The following FAM184B variants were observed in gnomAD, a reference collection of about 807,000 sequenced individuals.
FAM184B encodes protein FAM184B.
FAM184B carries 111 observed loss-of-function variants against 135.9 expected under a neutral mutation model. The ratio of observed to expected loss-of-function variants is 0.82; its 90% CI spans 0.70 to 0.96. The LOEUF is 0.96. Ranked by LOEUF, FAM184B falls within the 40% of genes least tolerant of loss-of-function variation. FAM184B has a pLI of 0.00. For missense variants in FAM184B, 1,375 were observed against 1,323.9 expected (o/e 1.04, Z -0.60); for synonymous variants, 552 against 524.8 (o/e 1.05, Z -0.71).
At chr4:17,642,795 T>C (rs1715361031) in intron 12 of FAM184B, among the ~76,000 whole-genome samples, 1 of 152,246 alleles carries the variant, frequency 6.6e-6, no homozygotes, top group Non-Finnish European at 1.5e-5. Context: ...GCCACGTGAA[T>C]GCTTGCTAAA....
chr4:17,732,721 G>A (rs923781132), intron 1 of FAM184B, among the ~76,000 whole-genome samples: 2 of 152,128 alleles, frequency 1.3e-5, no homozygotes, highest in African/African-American at 4.8e-5. Context: ...AAAAGTCCAG[G>A]ACCAGATGGA....
Position 17,633,781 on chromosome 4 carries a change from A to AG in FAM184B, c.2996dup (p.Pro1000SerfsTer36). 4 of 1,551,538 alleles carry AG rather than the reference A, an allele frequency of 2.6e-6. No homozygotes were observed. The highest frequency in any genetic ancestry group is 3.5e-6 in the Non-Finnish European group (4 of 1,146,956). On this transcript the variant is annotated frameshift_variant, in exon 17 of 18. Transcript: ENST00000265018. LOFTEE classifies it high-confidence loss of function. ...CCAAGCTGGGTGATGTAGTTATTGG[A>AG]GGGGCATTAATCCTGGAACTCAGAT...
chr4:17,667,528 C>T lies in FAM184B; in HGVS notation c.1597-2869G>A, dbSNP rs114404048. ...CATCATGGAGATGGCACTTGGGAATCCACTGCCCACTGTGCCCAGGAGGAC... is the reference window on the plus strand; with the variant it reads ...CATCATGGAGATGGCACTTGGGAATTCACTGCCCACTGTGCCCAGGAGGAC... On this transcript the variant is annotated intron_variant, in intron 7 of 17. Coordinates refer to ENST00000265018, the MANE Select transcript of FAM184B (RefSeq NM_015688.2). 3.2e-3 allele frequency among the ~76,000 whole-genome samples: 487 copies of T among 152,328 alleles called. 4 individuals are homozygous for T. The highest frequency in any genetic ancestry group is 0.011 in the African/African-American group (458 of 41,576).
intron 1 of FAM184B, among the ~76,000 whole-genome samples, chr4:17,731,071 G>A (rs575129132): frequency 2.3e-3 from 345 of 152,156 alleles, no homozygotes; most frequent in African/African-American, 8.1e-3. Context: ...ATATCCAGCC[G>A]AACTAAGCTT....
Position 17,632,434 on chromosome 4 carries a change from ATAT to A in FAM184B, c.*95_*97del. Reference sequence around the variant, plus strand: ...TAGCTATCATATATAAATCATAAGCATATTATTTGGTTGGTTGGTGTTAGTTCA... The same window carrying A: ...TAGCTATCATATATAAATCATAAGCATATTTGGTTGGTTGGTGTTAGTTCA... On this transcript the variant is annotated 3_prime_UTR_variant, in exon 18 of 18. Coordinates refer to ENST00000265018, the MANE Select transcript of FAM184B (RefSeq NM_015688.2). 1.0e-6 allele frequency: 1 copy of A among 997,426 alleles called. No homozygotes were observed. The highest frequency in any genetic ancestry group is 1.5e-6 in the Non-Finnish European group (1 of 674,566). 61.8% of individuals were successfully genotyped at this position (997,426 alleles called of 1,614,324 possible). A position where few individuals can be genotyped will look rare whatever the true frequency, so the allele number is the denominator to read the frequency against.
chr4:17,646,748 G>A (rs1020871368), intron 12 of FAM184B, among the ~76,000 whole-genome samples: 1 of 152,108 alleles, frequency 6.6e-6, no homozygotes, highest in Non-Finnish European at 1.5e-5. Flanking sequence ...AAAAAGAAAA[G>A]AAAGTGATGC....
chr4:17,760,274 G>C (rs924603091), intron 1 of FAM184B, among the ~76,000 whole-genome samples: 10 of 152,056 alleles, frequency 6.6e-5, no homozygotes, highest in African/African-American at 2.4e-4. Flanking sequence ...GACCAGCCTG[G>C]CCAACATGGT....
intron 1 of FAM184B, among the ~76,000 whole-genome samples, chr4:17,750,055 G>T (rs924628092): frequency 3.3e-5 from 5 of 152,288 alleles, no homozygotes; most frequent in African/African-American, 1.2e-4. Context: ...TTAGAATAAA[G>T]ATCTGCATTA....
At chr4:17,730,689 T>G (rs1269519592) in intron 1 of FAM184B, among the ~76,000 whole-genome samples, 1 of 152,058 alleles carries the variant, frequency 6.6e-6, no homozygotes, top group East Asian at 1.9e-4. Context: ...CCTCTCCTCC[T>G]CCAAAGGAAT....
At chr4:17,747,869 C>A (rs1718203140) in intron 1 of FAM184B, among the ~76,000 whole-genome samples, 1 of 122,056 alleles carries the variant, frequency 8.2e-6, no homozygotes, top group African/African-American at 3.1e-5. Flanking sequence ...TGCAGTGAGC[C>A]GAGATTGCGC....
chr4:17,639,231 G>A lies in FAM184B; in HGVS notation c.2666+19C>T, dbSNP rs1293514288. On this transcript the variant is annotated intron_variant, in intron 14 of 17. Transcript: ENST00000265018. Reference sequence around the variant, plus strand: ...GGTACATTTGCAAGACCCTCCCTGGGGCCCGAGGCCTCACTTACTCGGCTT... The same window carrying A: ...GGTACATTTGCAAGACCCTCCCTGGAGCCCGAGGCCTCACTTACTCGGCTT... The A allele has an allele frequency of 5.9e-5, 92 of 1,550,892 alleles. No individual in the cohort carries two copies. The highest frequency in any genetic ancestry group is 8.0e-5 in the Non-Finnish European group (92 of 1,146,604).
rs993666427 is a variant in FAM184B, at chr4:17,652,685, G to A, written c.2191+145C>T. The A allele has an allele frequency of 5.2e-6, 5 of 953,882 alleles. No homozygotes were observed. The African/African-American group carries it at 6.7e-5, about 13-fold the overall frequency. The allele number at this position is 953,882 out of a possible 1,614,324, so 59.1% of individuals were successfully genotyped here. A position where few individuals can be genotyped will look rare whatever the true frequency, so the allele number is the denominator to read the frequency against. ...GGCCTGTGAATCTGAGAGCCCTGGA[G>A]CCCTGGCCTGTGAGCCTGAGATTCC... On this transcript the variant is annotated intron_variant, in intron 11 of 17. Transcript: ENST00000265018.
At chr4:17,739,137 G>A (rs1189162819) in intron 1 of FAM184B, among the ~76,000 whole-genome samples, 1 of 152,222 alleles carries the variant, frequency 6.6e-6, no homozygotes, top group African/African-American at 2.4e-5. Flanking sequence ...TGACTTTCCT[G>A]CATAGAATTA....
chr4:17,763,301 C>T (rs766265775), intron 1 of FAM184B, among the ~76,000 whole-genome samples: 1 of 152,028 alleles, frequency 6.6e-6, no homozygotes, highest in Non-Finnish European at 1.5e-5. Context: ...AGCCACCTCC[C>T]ATAGAATTGA....
intron 7 of FAM184B, 33 bp downstream of exon 7, chr4:17,688,391 T>A (rs1194146934): frequency 6.8e-7 from 1 of 1,475,242 alleles, no homozygotes; most frequent in Admixed American, 2.1e-5. Context: ...AAAAGAAATA[T>A]CTTTAATTAA....
In FAM184B at chr4:17,731,604, G is replaced by T. The variant is rs371359106; in HGVS notation, c.142-21960C>A. On this transcript the variant is annotated intron_variant, in intron 1 of 17. Transcript: ENST00000265018. The stretch of plus-strand genomic sequence containing the variant: ...GAAGGCCATTACATAATGGTAAAGG[G>T]ATCAATTCAACAAGAAGAGCTAACT... 3.8e-3 allele frequency among the ~76,000 whole-genome samples: 579 copies of T among 152,238 alleles called. 15 individuals are homozygous for T. Among genetic ancestry groups the T allele is most frequent in the Admixed American group, 0.028 (433 of 15,284 alleles).
chr4:17,641,461 C>CTTTTTTTTTTTTTTTTTTTT (rs71167316), intron 13 of FAM184B, among the ~76,000 whole-genome samples: 1 of 45,700 alleles, frequency 2.2e-5, no homozygotes, highest in African/African-American at 8.4e-5. Context: ...AGGACTCCCT[C>CTTTTTTTTTTTTTTTTTTTT]TTTTTTTTTT....
At chr4:17,654,265 G>C (rs1389064174) in intron 10 of FAM184B, among the ~76,000 whole-genome samples, 1 of 151,494 alleles carries the variant, frequency 6.6e-6, no homozygotes, top group Admixed American at 6.6e-5. Flanking sequence ...GGAAATGAGA[G>C]ATGGGCATTG....
At chr4:17,658,667 CTCTG>C (rs1715838762) in intron 9 of FAM184B, 105 bp from the exon 10 acceptor site, 1 of 1,127,182 alleles carries the variant, frequency 8.9e-7, no homozygotes, top group Non-Finnish European at 1.3e-6. Flanking sequence ...GCTGAGCCTC[CTCTG>C]TCTGTAGAGA....
Sources: gnomAD v4.1 joint callset for allele counts (sites outside exome capture counted in the v4.1 genomes callset) on GRCh38, gnomAD v4.1.1 for gene constraint, MANE v1.5 for transcripts, NCBI Gene and HGNC (gene_info 2026-07-23, HGNC 2026-07-21) for gene names.